OXR1: variants seen among roughly 807,000 people sequenced by gnomAD.
OXR1 encodes oxidation resistance 1, also known as oxidation resistance protein 1.
Under a neutral mutation model 104.6 loss-of-function variants are expected in OXR1, and 41 were observed. The ratio of observed to expected loss-of-function variants is 0.39; its 90% confidence interval spans 0.31 to 0.51. OXR1 has a LOEUF of 0.51. Among genes scored for constraint, OXR1 ranks in the 20% least tolerant of loss-of-function variants. The probability of loss-of-function intolerance (pLI) is 0.77; values close to 1 mark genes in which losing one functional copy is unlikely to be tolerated. For synonymous variants in OXR1, 348 were observed against 348.4 expected (o/e 1.00, Z 0.01); for missense variants, 955 against 1,031.9 (o/e 0.93, Z 1.02).
chr8:106,587,175 A>G (rs1320109287), intron 3 of OXR1, among the ~76,000 whole-genome samples: 1 of 152,194 alleles, frequency 6.6e-6, no homozygotes, highest in East Asian at 1.9e-4. Flanking sequence ...ATGGGGATAC[A>G]TTAGCTTAAA....
At chr8:106,294,314 G>A (rs909480008) in intron 1 of OXR1, among the ~76,000 whole-genome samples, 1 of 146,518 alleles carries the variant, frequency 6.8e-6, no homozygotes, top group East Asian at 2.0e-4. Flanking sequence ...GAGAATTAAC[G>A]TGAACTTGGG....
At chr8:106,464,506 G>A (rs1383617923) in intron 2 of OXR1, among the ~76,000 whole-genome samples, 1 of 151,990 alleles carries the variant, frequency 6.6e-6, no homozygotes, top group East Asian at 1.9e-4. Context: ...TTCATTTCCT[G>A]ACTTCTATTA....
chr8:106,739,177 A>G (rs1329512557), intron 12 of OXR1, among the ~76,000 whole-genome samples: 2 of 151,756 alleles, frequency 1.3e-5, no homozygotes, highest in South Asian at 2.1e-4. Context: ...GATGCATGCA[A>G]CTATCTTCTT....
At chr8:106,622,909 A>G (rs552685204) in intron 3 of OXR1, among the ~76,000 whole-genome samples, 1 of 152,322 alleles carries the variant, frequency 6.6e-6, no homozygotes, top group African/African-American at 2.4e-5. Flanking sequence ...GTCTTCAAAC[A>G]TTATTTGTTG....
intron 3 of OXR1, chr8:106,618,027 C>A: frequency 1.3e-6 from 2 of 1,512,964 alleles, no homozygotes; most frequent in Non-Finnish European, 1.8e-6. Flanking sequence ...GGTCAGGGAC[C>A]GGGCGGGAGG....
At chr8:106,456,480 T>C (rs999892139) in intron 2 of OXR1, among the ~76,000 whole-genome samples, 2 of 152,210 alleles carry the variant, frequency 1.3e-5, no homozygotes, top group Admixed American at 6.6e-5. Flanking sequence ...TTTTGATACA[T>C]CTAGCACCAT....
chr8:106,424,936 T>C (rs982055240), intron 2 of OXR1, among the ~76,000 whole-genome samples: 10 of 152,172 alleles, frequency 6.6e-5, no homozygotes, highest in Admixed American at 5.9e-4. Context: ...CTCCTCAAGA[T>C]TGAGTTATTT....
At chr8:106,721,683 A>G (rs28921438) in intron 11 of OXR1, among the ~76,000 whole-genome samples, 2,635 of 152,302 alleles carry the variant, frequency 0.017, 54 homozygotes, top group African/African-American at 0.06. Flanking sequence ...AAATATGTTA[A>G]CTACTTACTA....
intron 7 of OXR1, among the ~76,000 whole-genome samples, chr8:106,700,255 A>C (rs944057106): frequency 1.3e-5 from 2 of 152,208 alleles, no homozygotes; most frequent in Admixed American, 6.5e-5. Context: ...GTTATGAAAT[A>C]TTTTAAAAAT....
At chr8:106,708,487 A>T (rs1436300085) in intron 9 of OXR1, among the ~76,000 whole-genome samples, 1 of 152,118 alleles carries the variant, frequency 6.6e-6, no homozygotes, top group East Asian at 1.9e-4. Flanking sequence ...TTGTTTCTGA[A>T]TTTAACTACT....
chr8:106,711,597 A>G (rs1370288651), intron 10 of OXR1, among the ~76,000 whole-genome samples: 4 of 152,138 alleles, frequency 2.6e-5, no homozygotes, highest in African/African-American at 9.6e-5. Flanking sequence ...TAAAAACAGT[A>G]AAGGGTTTAA....
At chr8:106,275,217 A>G (rs1253123448) in intron 1 of OXR1, among the ~76,000 whole-genome samples, 1 of 152,260 alleles carries the variant, frequency 6.6e-6, no homozygotes, top group African/African-American at 2.4e-5. Flanking sequence ...CTAGACAAGG[A>G]AGAAATGAGA....
At chr8:106,594,865 T>A (rs907789132) in intron 3 of OXR1, among the ~76,000 whole-genome samples, 1 of 152,154 alleles carries the variant, frequency 6.6e-6, no homozygotes, top group African/African-American at 2.4e-5. Context: ...AAGTACTACA[T>A]CAGAGGGAAA....
At chr8:106,560,966 G>T (rs955687685) in intron 3 of OXR1, among the ~76,000 whole-genome samples, 1 of 152,154 alleles carries the variant, frequency 6.6e-6, no homozygotes, top group African/African-American at 2.4e-5. Flanking sequence ...GTGAGGAACG[G>T]TGCATTCCGG....
intron 2 of OXR1, among the ~76,000 whole-genome samples, chr8:106,518,268 T>C (rs568559753): frequency 6.6e-6 from 1 of 152,298 alleles, no homozygotes; most frequent in East Asian, 1.9e-4. Flanking sequence ...GGACTTAGGG[T>C]TTAATTACAT....
In OXR1 at chr8:106,604,462, G is replaced by A. The variant is rs577357416; in HGVS notation, c.221-74748G>A. On this transcript the variant is annotated intron_variant, in intron 3 of 16. Coordinates refer to ENST00000517566, the MANE Select transcript of OXR1 (RefSeq NM_001198533.2). ...TGAGCCACCCGTATACAGTATTATT[G>A]ATATCCTCCAAACCAGATAGGATAT... Among the ~76,000 whole-genome samples, 13 of 152,230 alleles carry A rather than the reference G, an allele frequency of 8.5e-5. No individual in the cohort carries two copies. The East Asian group carries it at 2.5e-3, about 29-fold the overall frequency.
chr8:106,567,198 A>G (rs1817144782), intron 3 of OXR1, among the ~76,000 whole-genome samples: 1 of 152,170 alleles, frequency 6.6e-6, no homozygotes, highest in East Asian at 1.9e-4. Flanking sequence ...TGGTGCAGTG[A>G]GGAGAGAGAA....
intron 2 of OXR1, among the ~76,000 whole-genome samples, chr8:106,437,298 A>G (rs1317703079): frequency 6.6e-6 from 1 of 152,100 alleles, no homozygotes; most frequent in East Asian, 1.9e-4. Flanking sequence ...GAAACTCTGA[A>G]CTTTAGGTAA....
At chr8:106,455,367 C>G (rs1475380697) in intron 2 of OXR1, among the ~76,000 whole-genome samples, 1 of 152,026 alleles carries the variant, frequency 6.6e-6, no homozygotes, top group African/African-American at 2.4e-5. Context: ...TAAAATCATC[C>G]CAGAGACCGG....
Sources: allele counts gnomAD v4.1 joint callset (sites outside exome capture counted in the v4.1 genomes callset), GRCh38; gene constraint gnomAD v4.1.1; transcripts MANE v1.5; gene names NCBI Gene and HGNC (gene_info 2026-07-23, HGNC 2026-07-21).